The following MACROD2 variants were observed in gnomAD, a reference collection of about 807,000 sequenced individuals.
MACROD2 encodes ADP-ribose glycohydrolase MACROD2.
A neutral mutation model predicts 70.4 loss-of-function variants in MACROD2; 36 were observed. That is an observed-to-expected ratio of 0.51 (90% CI 0.39 to 0.68). The LOEUF is 0.68. Among genes scored for constraint, MACROD2 ranks in the 30% least tolerant of loss-of-function variants. The probability of loss-of-function intolerance (pLI) is 0.00; values close to 1 mark genes in which losing one functional copy is unlikely to be tolerated. For missense variants in MACROD2, 496 were observed against 538.4 expected (o/e 0.92, Z 0.78); for synonymous variants, 172 against 178.8 (o/e 0.96, Z 0.30).
intron 2 of MACROD2, among the ~76,000 whole-genome samples, chr20:14,043,930 A>G (rs2053429528): frequency 6.6e-6 from 1 of 152,212 alleles, no homozygotes; most frequent in Admixed American, 6.5e-5. Flanking sequence ...TATCTTTCAC[A>G]CCTGCATAAA....
At chr20:15,566,598 C>A (rs1024896767) in intron 8 of MACROD2, among the ~76,000 whole-genome samples, 2 of 152,002 alleles carry the variant, frequency 1.3e-5, no homozygotes, top group Non-Finnish European at 2.9e-5. Flanking sequence ...CAGTCTCATA[C>A]GTTCCCTTCT....
intron 3 of MACROD2, among the ~76,000 whole-genome samples, chr20:14,105,032 A>G (rs569242113): frequency 1.3e-5 from 2 of 152,158 alleles, no homozygotes; most frequent in Admixed American, 1.3e-4. Flanking sequence ...CTCATGTGCA[A>G]CCTTATTTGG....
At chr20:14,485,561 C>T (rs905998235) in intron 3 of MACROD2, among the ~76,000 whole-genome samples, 35 of 151,842 alleles carry the variant, frequency 2.3e-4, no homozygotes, top group Admixed American at 7.9e-4. Context: ...ATTAGCCGGG[C>T]GTGGTGGCAG....
chr20:14,228,398 C>T lies in MACROD2; in HGVS notation c.271+142670C>T, dbSNP rs531348551. ...TGTCACCCAGGCTGGAGTGCAGTGG[C>T]GTGATCTCGGCTCACTGCAAGCTCC... is the stretch of plus-strand genomic sequence containing the variant. On this transcript the variant is annotated intron_variant, in intron 3 of 17. Coordinates refer to ENST00000684519, the MANE Select transcript of MACROD2 (RefSeq NM_001351661.2). 2.8e-3 allele frequency among the ~76,000 whole-genome samples: 417 copies of T among 148,606 alleles called. 6 individuals are homozygous for T. The highest frequency in any genetic ancestry group is 0.01 in the African/African-American group (401 of 39,678).
At chr20:15,969,926 ATATAAATAT>A (rs1467234397) in intron 13 of MACROD2, among the ~76,000 whole-genome samples, 1 of 150,462 alleles carries the variant, frequency 6.6e-6, no homozygotes, top group Non-Finnish European at 1.5e-5. Context: ...ATAGAAATAA[ATATAAATAT>A]TATAAATAAT....
At chr20:14,004,528 T>C (rs972230174) in intron 2 of MACROD2, among the ~76,000 whole-genome samples, 6 of 152,192 alleles carry the variant, frequency 3.9e-5, no homozygotes, top group African/African-American at 1.2e-4. Context: ...GAATGGCTCA[T>C]TTTACAAGTA....
intron 5 of MACROD2, among the ~76,000 whole-genome samples, chr20:14,936,681 A>G (rs1015995679): frequency 3.9e-5 from 6 of 152,056 alleles, no homozygotes; most frequent in African/African-American, 1.4e-4. Flanking sequence ...CCACTCATGC[A>G]TGTGAAGGGC....
chr20:16,019,864 G>C (rs2066978891), intron 15 of MACROD2, among the ~76,000 whole-genome samples: 1 of 152,116 alleles, frequency 6.6e-6, no homozygotes, highest in East Asian at 1.9e-4. Context: ...GATCACACAG[G>C]AGAGTTTTCA....
intron 4 of MACROD2, among the ~76,000 whole-genome samples, chr20:14,515,830 A>G (rs973265315): frequency 6.6e-6 from 1 of 151,886 alleles, no homozygotes; most frequent in Non-Finnish European, 1.5e-5. Flanking sequence ...GTATTTCAAA[A>G]TTGCTAAAAG....
intron 8 of MACROD2, among the ~76,000 whole-genome samples, chr20:15,615,449 C>A (rs574802524): frequency 6.6e-6 from 1 of 152,242 alleles, no homozygotes; most frequent in South Asian, 2.1e-4. Context: ...CTCGATGCCT[C>A]AGGGTGAGAG....
At chr20:15,190,342 A>C (rs1322508475) in intron 5 of MACROD2, among the ~76,000 whole-genome samples, 2 of 152,156 alleles carry the variant, frequency 1.3e-5, no homozygotes, top group Non-Finnish European at 2.9e-5. Context: ...TGAGACGTGT[A>C]GTTAAATGGC....
intron 3 of MACROD2, among the ~76,000 whole-genome samples, chr20:14,411,004 G>A (rs2083743397): frequency 6.6e-6 from 1 of 152,112 alleles, no homozygotes; most frequent in South Asian, 2.1e-4. Flanking sequence ...CCGACTTGAG[G>A]TCACTCTCAT....
intron 12 of MACROD2, among the ~76,000 whole-genome samples, chr20:15,961,109 A>G (rs1174798752): frequency 1.3e-5 from 2 of 152,186 alleles, no homozygotes; most frequent in Non-Finnish European, 2.9e-5. Context: ...ACGATGAGCC[A>G]CTCTGCAGCC....
intron 6 of MACROD2, among the ~76,000 whole-genome samples, chr20:15,390,585 T>C (rs1225819445): frequency 6.6e-6 from 1 of 152,064 alleles, no homozygotes; most frequent in Non-Finnish European, 1.5e-5. Context: ...CAACGCTCCA[T>C]GAATTAAATG....
intron 4 of MACROD2, among the ~76,000 whole-genome samples, chr20:14,547,002 C>T (rs1177637671): frequency 2.0e-5 from 3 of 151,960 alleles, no homozygotes; most frequent in Non-Finnish European, 4.4e-5. Context: ...TATCATCCTA[C>T]TTTGCCCCCT....
chr20:14,224,207 T>C (rs2081710939), intron 3 of MACROD2, among the ~76,000 whole-genome samples: 1 of 152,220 alleles, frequency 6.6e-6, no homozygotes, highest in Non-Finnish European at 1.5e-5. Context: ...CATAAAACTA[T>C]CACAGGAACT....
At chr20:14,236,492 A>T (rs1322709383) in intron 3 of MACROD2, among the ~76,000 whole-genome samples, 1 of 152,134 alleles carries the variant, frequency 6.6e-6, no homozygotes, top group African/African-American at 2.4e-5. Context: ...AAGCAAAAAA[A>T]ACTACATCTG....
intron 5 of MACROD2, among the ~76,000 whole-genome samples, chr20:15,088,712 T>C (rs1010676725): frequency 6.6e-6 from 1 of 151,226 alleles, no homozygotes; most frequent in African/African-American, 2.4e-5. Context: ...GTTTCACATG[T>C]CATAAATATA....
At chr20:15,358,802 C>T (rs2078318553) in intron 6 of MACROD2, among the ~76,000 whole-genome samples, 1 of 143,456 alleles carries the variant, frequency 7.0e-6, no homozygotes, top group Non-Finnish European at 1.5e-5. Flanking sequence ...AGAAGAAGAG[C>T]TCTTGTTCCT....
Sources: allele counts gnomAD v4.1 joint callset (sites outside exome capture counted in the v4.1 genomes callset), GRCh38; gene constraint gnomAD v4.1.1; transcripts MANE v1.5; gene names NCBI Gene and HGNC (gene_info 2026-07-23, HGNC 2026-07-21).